Variants in SEMA3E observed in about 807,000 individuals in gnomAD.
SEMA3E encodes semaphorin-3E.
SEMA3E carries 49 observed loss-of-function variants against 93.6 expected under a neutral mutation model. The ratio of observed to expected loss-of-function variants is 0.52; its 90% CI spans 0.42 to 0.66. SEMA3E has a LOEUF of 0.66. Ranked by LOEUF, SEMA3E falls within the 30% of genes least tolerant of loss-of-function variation. The probability of loss-of-function intolerance (pLI) is 0.00; values close to 1 mark genes in which losing one functional copy is unlikely to be tolerated. For missense variants in SEMA3E, 906 were observed against 964.8 expected (o/e 0.94, Z 0.81); for synonymous variants, 363 against 330.7 (o/e 1.10, Z -1.06).
intron 7 of SEMA3E, among the ~76,000 whole-genome samples, 198 bp from the exon 8 acceptor site, chr7:83,406,257 G>A (rs570032055): frequency 1.3e-5 from 2 of 151,160 alleles, no homozygotes; most frequent in Admixed American, 6.6e-5. Context: ...TTCTTCATTC[G>A]GCCTTGTCAG....
intron 4 of SEMA3E, among the ~76,000 whole-genome samples, chr7:83,423,751 T>C (rs1788716815): frequency 6.6e-6 from 1 of 151,558 alleles, no homozygotes; most frequent in South Asian, 2.1e-4. Context: ...GACCTCGTGA[T>C]CCCCCTGCCT....
At chr7:83,384,081 AG>A (rs929941525) in intron 16 of SEMA3E, among the ~76,000 whole-genome samples, 4 of 152,068 alleles carry the variant, frequency 2.6e-5, no homozygotes, top group Non-Finnish European at 5.9e-5. Flanking sequence ...TATTTCTAAT[AG>A]CCTTTGTTAG....
intron 1 of SEMA3E, among the ~76,000 whole-genome samples, chr7:83,565,085 A>G (rs931027924): frequency 2.0e-5 from 3 of 152,208 alleles, no homozygotes; most frequent in Admixed American, 6.5e-5. Context: ...CAAATAAACT[A>G]GAAAATCTAG....
intron 1 of SEMA3E, among the ~76,000 whole-genome samples, chr7:83,555,921 C>G (rs1791878576): frequency 6.6e-6 from 1 of 152,056 alleles, no homozygotes; most frequent in African/African-American, 2.4e-5. Context: ...TATGTCATAC[C>G]TCCAGCATTT....
intron 1 of SEMA3E, among the ~76,000 whole-genome samples, chr7:83,608,309 G>T (rs1562853213): frequency 6.6e-6 from 1 of 151,982 alleles, no homozygotes; most frequent in Non-Finnish European, 1.5e-5. Context: ...AGAGATTATT[G>T]CATTTGTCCA....
chr7:83,647,744 T>C (rs1794097683), intron 1 of SEMA3E, among the ~76,000 whole-genome samples: 1 of 152,226 alleles, frequency 6.6e-6, no homozygotes, highest in Non-Finnish European at 1.5e-5. Context: ...AAATTTACAC[T>C]ACAAATGCTA....
chr7:83,439,801 C>T (rs190370833), intron 4 of SEMA3E, among the ~76,000 whole-genome samples: 115 of 152,240 alleles, frequency 7.6e-4, no homozygotes, highest in Non-Finnish European at 1.4e-3. Context: ...ATATCCTTAA[C>T]GTATTTTCTT....
At chr7:83,431,320 A>C (rs1274720534) in intron 4 of SEMA3E, among the ~76,000 whole-genome samples, 1 of 151,810 alleles carries the variant, frequency 6.6e-6, no homozygotes, top group Non-Finnish European at 1.5e-5. Flanking sequence ...TGTAGGGTTA[A>C]ATTTCTTGGA....
rs370921386 is a variant in SEMA3E at position 83,400,153 on chromosome 7, G to T, written c.1241C>A (p.Ala414Asp). The change falls in exon 11 of 17, where the codon GCC becomes GAC. Residue 414 changes from alanine to aspartate, a missense_variant. Physicochemically the swap from Ala to Asp is moderately radical, Grantham distance 126 (BLOSUM62 -2). Transcript: ENST00000643230. Reference protein sequence around the residue: ...FARSHPLMYQAIKPAHKKPIL... With the variant: ...FARSHPLMYQDIKPAHKKPIL... ...TGGTTTTTTATGGGCAGGTTTTATGGCCTGGTACATTAGTGGATGACTTCT... is the reference window on the plus strand; with the variant it reads ...TGGTTTTTTATGGGCAGGTTTTATGTCCTGGTACATTAGTGGATGACTTCT... 2.5e-6 allele frequency: 4 copies of T among 1,613,688 alleles called. No individual in the cohort carries two copies. The highest frequency in any genetic ancestry group is 1.7e-5 in the Admixed American group (1 of 59,956).
At chr7:83,388,604 G>A (rs1787931043) in intron 14 of SEMA3E, among the ~76,000 whole-genome samples, 1 of 151,936 alleles carries the variant, frequency 6.6e-6, no homozygotes, top group African/African-American at 2.4e-5. Flanking sequence ...TTACCCTAGA[G>A]GGTGATAGCA....
intron 2 of SEMA3E, among the ~76,000 whole-genome samples, chr7:83,471,551 A>G (rs1789894484): frequency 6.6e-6 from 1 of 152,038 alleles, no homozygotes. Context: ...GGGTTAGTTC[A>G]TGCTAGGTGG....
rs971611600 is a variant in SEMA3E, at chr7:83,364,039, C to T, written c.*3547G>A. 1.3e-5 allele frequency: 2 copies of T among 150,928 alleles called. No homozygotes were observed. The highest frequency in any genetic ancestry group is 4.9e-5 in the African/African-American group (2 of 41,076). The allele number at this position is 150,928 out of a possible 1,614,324, so 9.3% of individuals were successfully genotyped here. The stretch of plus-strand genomic sequence containing the variant: ...CCTCCCAAGTAGCTGGGACTACAGG[C>T]GCCCGCCACCGCGCCCGGCTAATTT... On this transcript the variant is annotated 3_prime_UTR_variant, in exon 17 of 17. Coordinates refer to ENST00000643230, the MANE Select transcript of SEMA3E (RefSeq NM_012431.3).
chr7:83,420,035 G>A (rs1451397271), intron 4 of SEMA3E, among the ~76,000 whole-genome samples: 1 of 152,096 alleles, frequency 6.6e-6, no homozygotes, highest in Admixed American at 6.6e-5. Flanking sequence ...TCTATACCTA[G>A]AAAATTCTAA....
intron 1 of SEMA3E, among the ~76,000 whole-genome samples, chr7:83,533,827 T>A (rs56151653): frequency 6.6e-6 from 1 of 152,032 alleles, no homozygotes; most frequent in Non-Finnish European, 1.5e-5. Flanking sequence ...GCTGGCTGGC[T>A]GGCCCAGGCA....
chr7:83,406,206 G>A (rs1788327450), intron 7 of SEMA3E, 147 bp from the exon 8 acceptor site: 1 of 670,022 alleles, frequency 1.5e-6, no homozygotes, highest in Admixed American at 2.5e-5. Flanking sequence ...AATGTCATAG[G>A]TGCAACTCCC....
rs1238715008 is a variant in SEMA3E, at chr7:83,366,116, A to G, written c.*1470T>C. The G allele has an allele frequency of 6.6e-6, 1 of 152,120 alleles. No homozygotes were observed. The highest frequency in any genetic ancestry group is 1.5e-5 in the Non-Finnish European group (1 of 67,960). 9.4% of individuals were successfully genotyped at this position (152,120 alleles called of 1,614,324 possible). ...TTTTACAATGAAATTGCAAGTGATTATGAGCACTTTAACTTAAATGTATAA... is the reference window on the plus strand; with the variant it reads ...TTTTACAATGAAATTGCAAGTGATTGTGAGCACTTTAACTTAAATGTATAA... On this transcript the variant is annotated 3_prime_UTR_variant, in exon 17 of 17. Coordinates refer to ENST00000643230, the MANE Select transcript of SEMA3E (RefSeq NM_012431.3).
chr7:83,487,266 G>A (rs1250425749), intron 2 of SEMA3E, among the ~76,000 whole-genome samples: 1 of 152,036 alleles, frequency 6.6e-6, no homozygotes, highest in Non-Finnish European at 1.5e-5. Flanking sequence ...CAGGAAAATT[G>A]TTATTAAATT....
At chr7:83,498,082 CTT>C (rs151114738) in intron 1 of SEMA3E, among the ~76,000 whole-genome samples, 3,424 of 73,380 alleles carry the variant, frequency 0.047, 135 homozygotes, top group African/African-American at 0.095. Context: ...TATATTTTCT[CTT>C]ATGGTTTTCT....
intron 3 of SEMA3E, among the ~76,000 whole-genome samples, chr7:83,467,043 T>C (rs933997000): frequency 1.4e-5 from 2 of 146,978 alleles, no homozygotes; most frequent in African/African-American, 2.5e-5. Context: ...GTTATTCATA[T>C]GGAAATATGC....
Sources: gnomAD v4.1 joint callset for allele counts (sites outside exome capture counted in the v4.1 genomes callset) on GRCh38, gnomAD v4.1.1 for gene constraint, MANE v1.5 for transcripts, NCBI Gene and HGNC (gene_info 2026-07-23, HGNC 2026-07-21) for gene names.